Variants in POLR3C observed in about 807,000 individuals in gnomAD.
POLR3C encodes the protein DNA-directed RNA polymerase III subunit RPC3.
POLR3C carries 44 observed loss-of-function variants against 65.9 expected under a neutral mutation model. That is an observed-to-expected ratio of 0.67 (90% confidence interval 0.52 to 0.86). The LOEUF is 0.86. POLR3C is among the 40% of genes least tolerant of loss of function. POLR3C has a pLI of 0.00. For synonymous variants in POLR3C, 263 were observed against 231.6 expected (o/e 1.14, Z -1.23); for missense variants, 576 against 653.2 (o/e 0.88, Z 1.29).
chr1:145,826,239 A>C (rs1447441519), intron 2 of POLR3C, among the ~76,000 whole-genome samples: 2 of 152,212 alleles, frequency 1.3e-5, no homozygotes, highest in Non-Finnish European at 2.9e-5. Flanking sequence ...GTGTTTTGAG[A>C]GATAAGGATC....
chr1:145,826,311 C>A, intron 2 of POLR3C, 143 bp from the exon 3 acceptor site: 1 of 647,644 alleles, frequency 1.5e-6, no homozygotes, highest in Non-Finnish European at 2.7e-6. Flanking sequence ...CTTATTAGCT[C>A]CTCCAGTGGA....
At chr1:145,830,298 A>G (rs945362086) in intron 5 of POLR3C, among the ~76,000 whole-genome samples, 3 of 151,904 alleles carry the variant, frequency 2.0e-5, no homozygotes, top group East Asian at 1.9e-4. Flanking sequence ...AGTGTCTGCT[A>G]TGTTTTAAAG....
Position 145,844,208 on chromosome 1 carries a change from G to A in POLR3C, c.*1788G>A, listed in dbSNP as rs1446027252. ...AAATCAATGTATCAAAAAGATACCT[G>A]CACTCCCATGTTTATTGCAGCAGTA... On this transcript the variant is annotated 3_prime_UTR_variant, in exon 15 of 15. Transcript: ENST00000334163. Among the ~76,000 whole-genome samples, 1 of 152,120 alleles carries A rather than the reference G, an allele frequency of 6.6e-6. No individual in the cohort carries two copies. The highest frequency in any genetic ancestry group is 1.5e-5 in the Non-Finnish European group (1 of 68,018).
chr1:145,826,089 A>G (rs781841462), intron 2 of POLR3C, among the ~76,000 whole-genome samples, 166 bp downstream of exon 2: 2 of 152,210 alleles, frequency 1.3e-5, no homozygotes, highest in African/African-American at 2.4e-5. Context: ...AGACATCAAC[A>G]TTTTGTTTCT....
chr1:145,837,191 C>G (rs1476559355), intron 9 of POLR3C, among the ~76,000 whole-genome samples: 4 of 152,052 alleles, frequency 2.6e-5, no homozygotes, highest in Non-Finnish European at 5.9e-5. Context: ...GCTTGTAGTC[C>G]AGCTCCTCAG....
chr1:145,828,771 A>C lies in POLR3C; in HGVS notation c.612A>C (p.Ser204=). Residue 204 remains serine, a synonymous_variant, in exon 5 of 15, where the codon TCA becomes TCC. Transcript: ENST00000334163. ...SLIGKGKRRR[S]SDEDAAGEPK... is the part of the protein sequence containing the mutation. ...CAGGGAAAGGTAAAAGGAGGAGATCATCTGATGAAGATGCTGCTGGGGAGC... is the reference window on the plus strand; with the variant it reads ...CAGGGAAAGGTAAAAGGAGGAGATCCTCTGATGAAGATGCTGCTGGGGAGC... 6.2e-7 allele frequency: 1 copy of C among 1,609,260 alleles called. No homozygotes were observed. Among genetic ancestry groups the C allele is most frequent in the Non-Finnish European group, 8.5e-7 (1 of 1,175,558 alleles).
At chr1:145,824,532 T>C in intron 1 of POLR3C, 163 bp downstream of exon 1, 1 of 1,290,082 alleles carries the variant, frequency 7.8e-7, no homozygotes, top group African/African-American at 1.5e-5. Flanking sequence ...CAAAGATATG[T>C]GGATGGACGA....
intron 5 of POLR3C, among the ~76,000 whole-genome samples, chr1:145,832,801 C>T (rs2101643183): frequency 6.6e-6 from 1 of 152,236 alleles, no homozygotes; most frequent in South Asian, 2.1e-4. Flanking sequence ...GCAGGCAGAT[C>T]ACCTGAGGTC....
chr1:145,826,887 AC>A lies in POLR3C; in HGVS notation c.472del (p.Gln158AsnfsTer38). The A allele has an allele frequency of 6.2e-7, 1 of 1,613,582 alleles. No homozygotes were observed. Among genetic ancestry groups the A allele is most frequent in the South Asian group, 1.1e-5 (1 of 91,016 alleles). The stretch of plus-strand genomic sequence containing the variant: ...TGCGACTGGCAGACACACACTTTGT[AC>A]AACGCTGCCCTTCGGTACCTACCAC... ...FVRLADTHFV[Q>X]RCPSVPTTEN... On this transcript the variant is annotated frameshift_variant, in exon 4 of 15. Coordinates refer to ENST00000334163, the MANE Select transcript of POLR3C (RefSeq NM_006468.8). LOFTEE classifies it high-confidence loss of function.
At chr1:145,824,690 G>C (rs145982444) in intron 1 of POLR3C, 3 of 434,526 alleles carry the variant, frequency 6.9e-6, no homozygotes, top group South Asian at 3.6e-5. Context: ...GTTTCTGATT[G>C]TGTCAACTTT....
chr1:145,835,163 AAAAG>A (rs1651698972), intron 7 of POLR3C, among the ~76,000 whole-genome samples: 2 of 151,188 alleles, frequency 1.3e-5, no homozygotes, highest in South Asian at 4.2e-4. Flanking sequence ...AAAAAAAAAA[AAAAG>A]GCCGGACGCA....
rs144431496 is a variant in POLR3C, at chr1:145,831,558, A to G, written c.679-1702A>G. On this transcript the variant is annotated intron_variant, in intron 5 of 14. Coordinates refer to ENST00000334163, the MANE Select transcript of POLR3C (RefSeq NM_006468.8). Reference sequence around the variant, plus strand: ...AGAGAGTTCTAGGATAGAGTAACAGATTTGGAAATGCATCAATAGTTGAAG... The same window carrying G: ...AGAGAGTTCTAGGATAGAGTAACAGGTTTGGAAATGCATCAATAGTTGAAG... Among the ~76,000 whole-genome samples the G allele has an allele frequency of 5.3e-5, 8 of 151,724 alleles. No individual in the cohort carries two copies. The East Asian group carries it at 1.5e-3, about 29-fold the overall frequency.
intron 9 of POLR3C, among the ~76,000 whole-genome samples, chr1:145,837,136 C>T (rs1651915610): frequency 1.3e-5 from 2 of 151,982 alleles, no homozygotes; most frequent in African/African-American, 4.8e-5. Context: ...GGCAAAACCC[C>T]ATCTCTACCA....
intron 1 of POLR3C, among the ~76,000 whole-genome samples, chr1:145,825,082 CA>C (rs1650598485): frequency 6.6e-6 from 1 of 151,866 alleles, no homozygotes; most frequent in South Asian, 2.1e-4. Flanking sequence ...TTGCTTCTGT[CA>C]CTTAATATAT....
intron 5 of POLR3C, among the ~76,000 whole-genome samples, chr1:145,831,939 G>A (rs1370933978): frequency 6.6e-6 from 1 of 152,010 alleles, no homozygotes; most frequent in Non-Finnish European, 1.5e-5. Context: ...TGCTTGGGAG[G>A]CTGAGATGAG....
Position 145,836,818 on chromosome 1 carries a change from G to C in POLR3C, c.961G>C (p.Glu321Gln). The C allele has an allele frequency of 6.3e-7, 1 of 1,581,814 alleles. No individual in the cohort carries two copies. The highest frequency in any genetic ancestry group is 8.7e-7 in the Non-Finnish European group (1 of 1,152,230). The change falls in exon 9 of 15, where the codon GAG becomes CAG. Residue 321 changes from glutamate to glutamine, a missense_variant. Coordinates refer to ENST00000334163, the MANE Select transcript of POLR3C (RefSeq NM_006468.8). ...CACTCTCTCTTTTTCTTAATAGCTA[G>C]AGTTTGTTGGAAAGTCTGGCGACAG... ...YLTLLADDPL[E>Q]FVGKSGDSGG... is the part of the protein sequence containing the mutation.
At chr1:145,825,976 C>T (rs1163515101) in intron 2 of POLR3C, 53 bp downstream of exon 2, 4 of 1,416,690 alleles carry the variant, frequency 2.8e-6, no homozygotes, top group East Asian at 2.3e-5. Flanking sequence ...ATTTATTTCA[C>T]CCACCTTTGA....
At chr1:145,838,027 TG>T (rs1553729254) in intron 10 of POLR3C, 28 bp from the exon 11 acceptor site, 1 of 1,610,328 alleles carries the variant, frequency 6.2e-7, no homozygotes, top group Admixed American at 1.7e-5. Flanking sequence ...TATGTTAGCA[TG>T]CCATTTGCTT....
Position 145,826,681 on chromosome 1 carries a change from G to A in POLR3C, c.375G>A (p.Val125=). ...KLTMSAVVKK[V]ADRLTETMED... ...CAATGTCAGCTGTTGTGAAGAAAGT[G>A]GCAGACCGGCTCACAGAGACCATGG... Residue 125 remains valine, a synonymous_variant, in exon 3 of 15, where the codon GTG becomes GTA. Transcript: ENST00000334163. The A allele has an allele frequency of 6.2e-7, 1 of 1,614,192 alleles. No homozygotes were observed. The highest frequency in any genetic ancestry group is 8.5e-7 in the Non-Finnish European group (1 of 1,180,028).
Sources: gnomAD v4.1 joint callset for allele counts (sites outside exome capture counted in the v4.1 genomes callset) on GRCh38, gnomAD v4.1.1 for gene constraint, MANE v1.5 for transcripts, NCBI Gene and HGNC (gene_info 2026-07-23, HGNC 2026-07-21) for gene names.